HCN1: variants seen among roughly 807,000 people sequenced by gnomAD.
The protein encoded by HCN1 is potassium/sodium hyperpolarization-activated cyclic nucleotide-gated channel 1.
A neutral mutation model predicts 78.9 loss-of-function variants in HCN1; 13 were observed. The ratio of observed to expected loss-of-function variants is 0.16; its 90% CI spans 0.11 to 0.26. The LOEUF (loss-of-function observed/expected upper bound fraction) is 0.26, where lower values mean the gene tolerates loss of function less well. Ranked by LOEUF, HCN1 falls within the 10% of genes least tolerant of loss-of-function variation. HCN1 has a pLI of 1.00. For missense variants in HCN1, 810 were observed against 1,154.3 expected, an observed-to-expected ratio of 0.70 and a Z score of 4.32; for synonymous variants, 552 against 455.5, an observed-to-expected ratio of 1.21 and a Z score of -2.70.
chr5:45,484,730 G>T (rs981137652), intron 2 of HCN1, among the ~76,000 whole-genome samples: 1 of 152,118 alleles, frequency 6.6e-6, no homozygotes, highest in Non-Finnish European at 1.5e-5. Context: ...TCTAACAACA[G>T]TAGCTAAACC....
chr5:45,318,030 A>G (rs903359307), intron 5 of HCN1, among the ~76,000 whole-genome samples: 2 of 152,218 alleles, frequency 1.3e-5, no homozygotes, highest in African/African-American at 4.8e-5. Context: ...ATCTAGAATT[A>G]GAAATAACAT....
chr5:45,262,892 A>G (rs1024180601), intron 7 of HCN1, 82 bp from the exon 8 acceptor site: 15 of 1,457,620 alleles, frequency 1.0e-5, no homozygotes, highest in Admixed American at 8.8e-5. Flanking sequence ...TCCTGCAAAC[A>G]GAAGTATAGC....
chr5:45,356,865 A>T (rs541353683), intron 4 of HCN1, among the ~76,000 whole-genome samples: 46 of 152,096 alleles, frequency 3.0e-4, no homozygotes, highest in Non-Finnish European at 3.7e-4. Context: ...TGTTAACATT[A>T]CTCTGGCCAT....
At chr5:45,658,418 T>G (rs953518417) in intron 1 of HCN1, among the ~76,000 whole-genome samples, 1 of 152,102 alleles carries the variant, frequency 6.6e-6, no homozygotes, top group Non-Finnish European at 1.5e-5. Flanking sequence ...AGCTTCTGCA[T>G]AGCAAAAGAA....
Position 45,261,634 on chromosome 5 carries a change from GAAAT to G in HCN1, c.*283_*286del, listed in dbSNP as rs1339680686. Reference sequence around the variant, plus strand: ...AAAGGACTTAAGTAAAAGTAGGTTAGAAATAAATAATCTTACAACGACATTTTAA... The same window carrying G: ...AAAGGACTTAAGTAAAAGTAGGTTAGAAATAATCTTACAACGACATTTTAA... On this transcript the variant is annotated 3_prime_UTR_variant, in exon 8 of 8. Transcript: ENST00000303230. The G allele has an allele frequency of 4.3e-6, 1 of 234,520 alleles. No homozygotes were observed. The highest frequency in any genetic ancestry group is 2.3e-5 in the African/African-American group (1 of 43,980). The allele number at this position is 234,520 out of a possible 1,614,324, so 14.5% of individuals were successfully genotyped here.
At chr5:45,531,673 C>T (rs1046973590) in intron 2 of HCN1, among the ~76,000 whole-genome samples, 1 of 152,044 alleles carries the variant, frequency 6.6e-6, no homozygotes, top group African/African-American at 2.4e-5. Flanking sequence ...ATTTTTTTGC[C>T]TGCTAGAATA....
chr5:45,658,741 C>T (rs1475194374), intron 1 of HCN1, among the ~76,000 whole-genome samples: 3 of 152,044 alleles, frequency 2.0e-5, no homozygotes, highest in African/African-American at 7.2e-5. Flanking sequence ...TTGCACTTTT[C>T]AGACCGGCTT....
intron 3 of HCN1, among the ~76,000 whole-genome samples, chr5:45,424,942 A>C (rs1740314856): frequency 6.6e-6 from 1 of 152,208 alleles, no homozygotes; most frequent in Non-Finnish European, 1.5e-5. Flanking sequence ...ATTATAATAG[A>C]TGTTTTCAAT....
At chr5:45,348,295 A>C (rs558408620) in intron 5 of HCN1, among the ~76,000 whole-genome samples, 13 of 152,244 alleles carry the variant, frequency 8.5e-5, no homozygotes, top group South Asian at 4.1e-4. Flanking sequence ...GAAATAAAAT[A>C]CTTTACAGAC....
At chr5:45,302,899 C>T (rs1420637539) in intron 6 of HCN1, among the ~76,000 whole-genome samples, 4 of 151,982 alleles carry the variant, frequency 2.6e-5, no homozygotes. Context: ...TACCTTTTGC[C>T]TTCTGCCATG....
rs189292120 is a variant in HCN1 at position 45,280,181 on chromosome 5, T to C, written c.1619-12928A>G. ...AAATATAACTAAAATACTCTAGTCC[T>C]AGAATATTGATTTATCAAGCTGTAT... On this transcript the variant is annotated intron_variant, in intron 6 of 7. Transcript: ENST00000303230. Among the ~76,000 whole-genome samples, 446 of 152,284 alleles carry C rather than the reference T, an allele frequency of 2.9e-3. 2 individuals carry two copies. The highest frequency in any genetic ancestry group is 0.01 in the African/African-American group (424 of 41,576).
intron 2 of HCN1, among the ~76,000 whole-genome samples, chr5:45,525,086 A>G (rs550052641): frequency 2.4e-4 from 36 of 152,208 alleles, no homozygotes; most frequent in Admixed American, 9.2e-4. Flanking sequence ...GAATTTTGTC[A>G]AAGGCCTTTT....
At chr5:45,570,886 A>G (rs1353871329) in intron 2 of HCN1, among the ~76,000 whole-genome samples, 1 of 152,150 alleles carries the variant, frequency 6.6e-6, no homozygotes, top group Admixed American at 6.6e-5. Context: ...TTTTGTGACA[A>G]TTTGCTCCTG....
intron 4 of HCN1, among the ~76,000 whole-genome samples, chr5:45,353,574 TA>T (rs1167872997): frequency 9.9e-5 from 15 of 152,044 alleles, no homozygotes; most frequent in Admixed American, 5.3e-4. Flanking sequence ...GCTATTTTTT[TA>T]AATTGAGTTC....
At chr5:45,636,873 AAT>A (rs1188507710) in intron 2 of HCN1, among the ~76,000 whole-genome samples, 1 of 152,174 alleles carries the variant, frequency 6.6e-6, no homozygotes, top group African/African-American at 2.4e-5. Context: ...TAGTATTTAT[AAT>A]TCTTTCAATA....
chr5:45,636,694 A>T (rs901251553), intron 2 of HCN1, among the ~76,000 whole-genome samples: 4 of 152,048 alleles, frequency 2.6e-5, no homozygotes, highest in East Asian at 1.9e-4. Context: ...CAAAAGAAAA[A>T]TTTTTTAAAT....
At chr5:45,554,351 T>G (rs1291411464) in intron 2 of HCN1, among the ~76,000 whole-genome samples, 1 of 151,800 alleles carries the variant, frequency 6.6e-6, no homozygotes, top group Non-Finnish European at 1.5e-5. Flanking sequence ...ATATTCTGTT[T>G]TTCATGACCC....
intron 3 of HCN1, among the ~76,000 whole-genome samples, chr5:45,456,789 T>G (rs1741036745): frequency 6.6e-6 from 1 of 152,048 alleles, no homozygotes; most frequent in Admixed American, 6.6e-5. Flanking sequence ...AACTGAGTGC[T>G]ATGGAATGAC....
At chr5:45,375,321 A>G in intron 4 of HCN1, among the ~76,000 whole-genome samples, 1 of 113,472 alleles carries the variant, frequency 8.8e-6, no homozygotes, top group South Asian at 2.6e-4. Context: ...TATATAATAT[A>G]ATATTTTATG....
Sources: allele counts gnomAD v4.1 joint callset (sites outside exome capture counted in the v4.1 genomes callset), GRCh38; gene constraint gnomAD v4.1.1; transcripts MANE v1.5; gene names NCBI Gene and HGNC (gene_info 2026-07-23, HGNC 2026-07-21).